Variants in CACNA1B observed in about 807,000 individuals in gnomAD.
CACNA1B encodes the protein calcium voltage-gated channel subunit alpha1 B, also known as voltage-dependent N-type calcium channel subunit alpha-1B.
A neutral mutation model predicts 247.2 loss-of-function variants in CACNA1B; 70 were observed. The ratio of observed to expected loss-of-function variants is 0.28; its 90% confidence interval spans 0.23 to 0.35. CACNA1B has a LOEUF of 0.35. CACNA1B is among the 10% of genes least tolerant of loss of function. The pLI is 1.00. For synonymous variants in CACNA1B, 1,231 were observed against 1,294.4 expected (o/e 0.95, Z 1.05); for missense variants, 2,367 against 3,197.4 (o/e 0.74, Z 6.26).
At position 138,015,564 on chromosome 9, in the gene CACNA1B, C is replaced by G. The variant is rs566396104; in HGVS notation, c.2267+2329C>G. On this transcript the variant is annotated intron_variant, in intron 18 of 46. Transcript: ENST00000371372. The stretch of plus-strand genomic sequence containing the variant: ...GAGAGCAGTGCCCTTGAGTACCCTT[C>G]ACCCTTCTGCCCCCAACAGCTGTGC... Among the ~76,000 whole-genome samples the G allele has an allele frequency of 9.8e-5, 15 of 152,354 alleles. No homozygotes were observed. In the East Asian group the frequency reaches 2.9e-3, roughly 29 times the overall value.
In CACNA1B at chr9:137,954,311, G is replaced by C. The variant is rs1412360937; in HGVS notation, c.1071-1387G>C. 6.6e-6 allele frequency among the ~76,000 whole-genome samples: 1 copy of C among 152,200 alleles called. No individual in the cohort carries two copies. Among genetic ancestry groups the C allele is most frequent in the Admixed American group, 6.5e-5 (1 of 15,286 alleles). ...TGTCTGGGCGAGAGCTGCAGGAGGG[G>C]CCAGCTTGGGGCCAATTCGGCATCT... On this transcript the variant is annotated intron_variant, in intron 7 of 46. Coordinates refer to ENST00000371372, the MANE Select transcript of CACNA1B (RefSeq NM_000718.4). This position sits in a 1 kb window ranked among gnomAD's most constrained non-coding sequence, Gnocchi z 4.1.
rs558384327 is a variant in CACNA1B, at chr9:137,998,426, A to T, written c.1975-8341A>T. ...AGGCGTTCGAGACCAGCTGGCCTAC[A>T]TGGTGAAACCCCATCTTTACTAAAA... On this transcript the variant is annotated intron_variant, in intron 15 of 46. Transcript: ENST00000371372. Among the ~76,000 whole-genome samples the T allele has an allele frequency of 9.2e-5, 14 of 152,204 alleles. No homozygotes were observed. The South Asian group carries it at 1.9e-3, about 20-fold the overall frequency.
At chr9:137,907,725 C>T (rs1354929644) in intron 3 of CACNA1B, among the ~76,000 whole-genome samples, 1 of 152,046 alleles carries the variant, frequency 6.6e-6, no homozygotes, top group Non-Finnish European at 1.5e-5. Context: ...GTTATTTTAT[C>T]GTAGTCACAT....
In CACNA1B at chr9:138,010,980, A is replaced by G. The variant is rs189009067; in HGVS notation, c.2160+903A>G. Among the ~76,000 whole-genome samples, 234 of 152,270 alleles carry G rather than the reference A, an allele frequency of 1.5e-3. No individual in the cohort carries two copies. The highest frequency in any genetic ancestry group is 3.0e-3 in the Non-Finnish European group (202 of 68,014). On this transcript the variant is annotated intron_variant, in intron 17 of 46. Coordinates refer to ENST00000371372, the MANE Select transcript of CACNA1B (RefSeq NM_000718.4). This position sits in a 1 kb window ranked among gnomAD's most constrained non-coding sequence, Gnocchi z 5.3. Reference sequence around the variant, plus strand: ...CCTGCTCCCCCCAGCCGAGCTCTCCAGGAGGGGGGTGTGGTCCATGCGGTG... The same window carrying G: ...CCTGCTCCCCCCAGCCGAGCTCTCCGGGAGGGGGGTGTGGTCCATGCGGTG...
intron 3 of CACNA1B, among the ~76,000 whole-genome samples, chr9:137,906,352 G>C (rs890084230): frequency 7.9e-5 from 12 of 152,154 alleles, no homozygotes; most frequent in Non-Finnish European, 1.3e-4. Flanking sequence ...AAGGTGAAGG[G>C]AGGGAGAAAC....
In CACNA1B at chr9:138,082,405, G is replaced by A. The variant is rs113396276; in HGVS notation, c.5094+4147G>A. 3.5e-3 allele frequency among the ~76,000 whole-genome samples: 535 copies of A among 151,334 alleles called. 36 individuals carry two copies. Among genetic ancestry groups the A allele is most frequent in the African/African-American group, 0.012 (502 of 40,992 alleles). ...AGCCACATGGCAGAAGAGGATTTAC[G>A]GACAGAAAAAGGAATATGATGTACA... On this transcript the variant is annotated intron_variant, in intron 36 of 46. Coordinates refer to ENST00000371372, the MANE Select transcript of CACNA1B (RefSeq NM_000718.4).
chr9:138,059,844 C>A lies in CACNA1B; in HGVS notation c.4668+107C>A, dbSNP rs577482611. 4 of 717,690 alleles carry A rather than the reference C, an allele frequency of 5.6e-6. No individual in the cohort carries two copies. The highest frequency in any genetic ancestry group is 1.0e-5 in the Non-Finnish European group (4 of 396,632). 44.5% of individuals were successfully genotyped at this position (717,690 alleles called of 1,614,324 possible). A position where few individuals can be genotyped will look rare whatever the true frequency, so the allele number is the denominator to read the frequency against. On this transcript the variant is annotated intron_variant, in intron 31 of 46. Transcript: ENST00000371372. This position sits in a 1 kb window ranked among gnomAD's most constrained non-coding sequence, Gnocchi z 4.2. ...CCTGTGTTAGCCTCTTCCTGGGTTCCGCAGAACCCCCTGGACATGTGGAGG... is the reference window on the plus strand; with the variant it reads ...CCTGTGTTAGCCTCTTCCTGGGTTCAGCAGAACCCCCTGGACATGTGGAGG...
intron 40 of CACNA1B, among the ~76,000 whole-genome samples, chr9:138,113,642 G>A (rs1407011229): frequency 8.1e-6 from 1 of 123,796 alleles, no homozygotes; most frequent in Non-Finnish European, 1.7e-5. Context: ...GTGAGGGAGC[G>A]CAGGAAGGTG....
intron 31 of CACNA1B, among the ~76,000 whole-genome samples, chr9:138,063,779 C>T (rs559178298): frequency 2.6e-5 from 4 of 152,354 alleles, no homozygotes; most frequent in Non-Finnish European, 2.9e-5. Context: ...TTTTCTTGCA[C>T]AGTCCATACT....
Position 138,012,425 on chromosome 9 carries a change from G to A in CACNA1B, c.2161-704G>A, listed in dbSNP as rs1262730407. On this transcript the variant is annotated intron_variant, in intron 17 of 46. Coordinates refer to ENST00000371372, the MANE Select transcript of CACNA1B (RefSeq NM_000718.4). The surrounding 1 kb of genome is among the most constrained non-coding windows in gnomAD (Gnocchi z 4.2). ...AGGAGGGACAGATTTGCATTTCAGT[G>A]GGCAAGTTTGAGGTGCCATGGTACA... 6.6e-6 allele frequency among the ~76,000 whole-genome samples: 1 copy of A among 152,118 alleles called. No homozygotes were observed. Among genetic ancestry groups the A allele is most frequent in the Non-Finnish European group, 1.5e-5 (1 of 68,026 alleles).
intron 6 of CACNA1B, among the ~76,000 whole-genome samples, chr9:137,928,144 C>A (rs1416132193): frequency 6.6e-6 from 1 of 152,114 alleles, no homozygotes; most frequent in African/African-American, 2.4e-5. Context: ...TGTCACCAGG[C>A]TGGTGTGCAG....
At chr9:137,900,105 G>A (rs1417864329) in intron 3 of CACNA1B, among the ~76,000 whole-genome samples, 1 of 152,180 alleles carries the variant, frequency 6.6e-6, no homozygotes, top group African/African-American at 2.4e-5. Flanking sequence ...GCTGTGAAGT[G>A]TGGAGGTGGC....
chr9:138,013,091 C>A, intron 17 of CACNA1B, 38 bp from the exon 18 acceptor site: 1 of 1,490,342 alleles, frequency 6.7e-7, no homozygotes, highest in Non-Finnish European at 9.4e-7. Context: ...GGCTATAACA[C>A]TGTGAGGGGA....
At chr9:138,092,453 C>T (rs1960910335) in intron 36 of CACNA1B, among the ~76,000 whole-genome samples, 1 of 152,210 alleles carries the variant, frequency 6.6e-6, no homozygotes, top group South Asian at 2.1e-4. Context: ...TCTGCCCAGC[C>T]CTGCAGGCAG....
chr9:137,949,426 A>G (rs1329433009), intron 6 of CACNA1B, among the ~76,000 whole-genome samples: 4 of 126,598 alleles, frequency 3.2e-5, no homozygotes, highest in Non-Finnish European at 5.0e-5. Context: ...TGTATGGTGT[A>G]TGTGTGTCTG....
intron 3 of CACNA1B, among the ~76,000 whole-genome samples, chr9:137,907,048 C>T (rs903817518): frequency 5.9e-5 from 9 of 152,208 alleles, no homozygotes; most frequent in Admixed American, 2.6e-4. Flanking sequence ...TTGTGTTTAT[C>T]CTGCCAGGGC....
intron 36 of CACNA1B, among the ~76,000 whole-genome samples, chr9:138,089,891 A>G (rs879748255): frequency 4.6e-5 from 7 of 152,234 alleles, no homozygotes; most frequent in Admixed American, 6.5e-5. Context: ...GAAATAACTA[A>G]GGAAGTGAAA....
rs74877916 is a variant in CACNA1B, at chr9:137,967,197, C to T, written c.1334-4186C>T. Among the ~76,000 whole-genome samples, 181 of 152,288 alleles carry T rather than the reference C, an allele frequency of 1.2e-3. 1 individual carries two copies. The East Asian group carries it at 0.025, about 21-fold the overall frequency. On this transcript the variant is annotated intron_variant, in intron 10 of 46. Coordinates refer to ENST00000371372, the MANE Select transcript of CACNA1B (RefSeq NM_000718.4). ...CCTTCCCTGCTCTCATAATTGTCAA[C>T]GTACCTCTTTACTGTTTTTGTTTCT... is the stretch of plus-strand genomic sequence containing the variant.
rs1378385659 is a variant in CACNA1B, at chr9:138,010,348, A to AG, written c.2160+275dup. 1.3e-5 allele frequency among the ~76,000 whole-genome samples: 2 copies of AG among 152,158 alleles called. No individual in the cohort carries two copies. Among genetic ancestry groups the AG allele is most frequent in the African/African-American group, 4.8e-5 (2 of 41,428 alleles). On this transcript the variant is annotated intron_variant, in intron 17 of 46. Coordinates refer to ENST00000371372, the MANE Select transcript of CACNA1B (RefSeq NM_000718.4). This position sits in a 1 kb window ranked among gnomAD's most constrained non-coding sequence, Gnocchi z 5.3. ...AACGGCAGGGTGTGCTGGGAGCAGG[A>AG]GGGGCCTGAGCAGGAGGAGCAGCTG...
Sources: allele counts gnomAD v4.1 joint callset (sites outside exome capture counted in the v4.1 genomes callset), GRCh38; gene constraint gnomAD v4.1.1; non-coding constraint Gnocchi (gnomAD v3.1); transcripts MANE v1.5; gene names NCBI Gene and HGNC (gene_info 2026-07-23, HGNC 2026-07-21).